MYO5C: variants seen among roughly 807,000 people sequenced by gnomAD.
The protein encoded by MYO5C is unconventional myosin-Vc.
Under a neutral mutation model 235.7 loss-of-function variants are expected in MYO5C, and 194 were observed. That is an observed-to-expected ratio of 0.82 (90% confidence interval 0.73 to 0.93). The LOEUF is 0.93. Ranked by LOEUF, MYO5C falls within the 40% of genes least tolerant of loss-of-function variation. The pLI is 0.00. For missense variants in MYO5C, 2,038 were observed against 2,127.2 expected, an observed-to-expected ratio of 0.96 and a Z score of 0.82; for synonymous variants, 707 against 754.8, an observed-to-expected ratio of 0.94 and a Z score of 1.04.
At chr15:52,219,915 A>G (rs1323891573) in intron 30 of MYO5C, 93 bp from the exon 31 acceptor site, 1 of 882,508 alleles carries the variant, frequency 1.1e-6, no homozygotes, top group Non-Finnish European at 1.8e-6. Flanking sequence ...TAGAGGTCCT[A>G]AACTAGGGGT....
At chr15:52,221,505 C>A (rs980242146) in intron 29 of MYO5C, among the ~76,000 whole-genome samples, 5 of 152,076 alleles carry the variant, frequency 3.3e-5, no homozygotes, top group African/African-American at 1.2e-4. Context: ...AGGATGTGTA[C>A]ATGTATAGAA....
intron 38 of MYO5C, among the ~76,000 whole-genome samples, chr15:52,199,184 A>G (rs1326835556): frequency 1.3e-4 from 20 of 151,950 alleles, no homozygotes; most frequent in Admixed American, 7.9e-4. Flanking sequence ...GTGAGCCACC[A>G]CGCCCGGCCC....
chr15:52,238,172 A>G (rs1304019350), intron 21 of MYO5C, among the ~76,000 whole-genome samples: 1 of 151,928 alleles, frequency 6.6e-6, no homozygotes, highest in Non-Finnish European at 1.5e-5. Context: ...GAAGAAACCA[A>G]CCCTGCCAAA....
rs536096530 is a variant in MYO5C, at chr15:52,239,000, G to A, written c.2703+733C>T. On this transcript the variant is annotated intron_variant, in intron 21 of 40. Coordinates refer to ENST00000261839, the MANE Select transcript of MYO5C (RefSeq NM_018728.4). Reference sequence around the variant, plus strand: ...GAGTTTTGCTCTTGTTGCCCAGGCTGGAGTGCAGTGGCGCCATCTTGGCCT... The same window carrying A: ...GAGTTTTGCTCTTGTTGCCCAGGCTAGAGTGCAGTGGCGCCATCTTGGCCT... 1.4e-4 allele frequency among the ~76,000 whole-genome samples: 21 copies of A among 151,760 alleles called. No individual in the cohort carries two copies. In the South Asian group the frequency reaches 3.7e-3, roughly 27 times the overall value.
Position 52,247,171 on chromosome 15 carries a change from G to A in MYO5C, c.1882-157C>T, listed in dbSNP as rs559461310. ...TGAAAGGTTTCAGTCCGTGACTGTG[G>A]TTTATCAGCATGTCCTACTGTTGTG... On this transcript the variant is annotated intron_variant, in intron 15 of 40. Transcript: ENST00000261839. Among the ~76,000 whole-genome samples the A allele has an allele frequency of 1.1e-3, 166 of 152,352 alleles. 4 individuals carry two copies. The South Asian group carries it at 0.033, about 30-fold the overall frequency.
At chr15:52,204,165 C>T (rs890378501) in intron 38 of MYO5C, among the ~76,000 whole-genome samples, 1 of 152,096 alleles carries the variant, frequency 6.6e-6, no homozygotes, top group African/African-American at 2.4e-5. Context: ...TCAGGATGAA[C>T]TCCAAATGCC....
Position 52,295,724 on chromosome 15 carries a change from A to T in MYO5C, c.-88T>A. 1.1e-6 allele frequency: 1 copy of T among 938,122 alleles called. No individual in the cohort carries two copies. The highest frequency in any genetic ancestry group is 1.4e-6 in the Non-Finnish European group (1 of 691,586). 58.1% of individuals were successfully genotyped at this position (938,122 alleles called of 1,614,324 possible). On this transcript the variant is annotated 5_prime_UTR_variant, in exon 1 of 41. Coordinates refer to ENST00000261839, the MANE Select transcript of MYO5C (RefSeq NM_018728.4). The stretch of plus-strand genomic sequence containing the variant: ...GCGCCGCAGAGGCCGGGCGCAGGAG[A>T]GACCGCCGCGGAAATCACCGCCGGG...
At position 52,270,198 on chromosome 15, in the gene MYO5C, C is replaced by G. The variant is rs1172027762; in HGVS notation, c.833-338G>C. ...TCAGGAGGCTGACGTGGGAGGATCA[C>G]TTGAGCCCAGGAGTTCGAGGCTGCA... is the stretch of plus-strand genomic sequence containing the variant. On this transcript the variant is annotated intron_variant, in intron 7 of 40. Coordinates refer to ENST00000261839, the MANE Select transcript of MYO5C (RefSeq NM_018728.4). Among the ~76,000 whole-genome samples, 6 of 152,212 alleles carry G rather than the reference C, an allele frequency of 3.9e-5. 1 individual carries two copies. The highest frequency in any genetic ancestry group is 5.9e-5 in the Non-Finnish European group (4 of 68,040).
At chr15:52,264,430 A>G (rs1311424343) in intron 8 of MYO5C, 134 bp from the exon 9 acceptor site, 5 of 680,326 alleles carry the variant, frequency 7.3e-6, no homozygotes, top group Non-Finnish European at 1.3e-5. Context: ...AGTGGACCCC[A>G]GGGGCATCTG....
chr15:52,219,264 G>A (rs757341308), intron 31 of MYO5C, among the ~76,000 whole-genome samples: 1 of 152,180 alleles, frequency 6.6e-6, no homozygotes, highest in African/African-American at 2.4e-5. Flanking sequence ...GCTCTGCCAG[G>A]GCACGAGGCC....
chr15:52,217,528 A>G (rs1447848114), intron 32 of MYO5C, among the ~76,000 whole-genome samples: 1 of 152,230 alleles, frequency 6.6e-6, no homozygotes, highest in Non-Finnish European at 1.5e-5. Flanking sequence ...AGCCTCACAC[A>G]TGGACAACAG....
At chr15:52,224,004 C>T (rs1226556540) in intron 28 of MYO5C, among the ~76,000 whole-genome samples, 5 of 152,154 alleles carry the variant, frequency 3.3e-5, no homozygotes, top group African/African-American at 1.2e-4. Context: ...AAATACTGGC[C>T]AGACGCAGTG....
intron 9 of MYO5C, among the ~76,000 whole-genome samples, chr15:52,263,698 G>A (rs1954081368): frequency 6.6e-6 from 1 of 152,030 alleles, no homozygotes; most frequent in African/African-American, 2.4e-5. Context: ...TCCCCTGCAG[G>A]CTGCCACCCA....
At chr15:52,286,083 C>A (rs1260135793) in intron 1 of MYO5C, among the ~76,000 whole-genome samples, 1 of 152,038 alleles carries the variant, frequency 6.6e-6, no homozygotes, top group Admixed American at 6.5e-5. Context: ...TGCCCGGCCG[C>A]CCCGTCTGAG....
In MYO5C at chr15:52,195,340, G is replaced by A. The variant is rs185471695; in HGVS notation, c.5076+37C>T. 18 of 1,350,402 alleles carry A rather than the reference G, an allele frequency of 1.3e-5. No homozygotes were observed. In the African/African-American group the frequency reaches 2.3e-4, roughly 17 times the overall value. 83.7% of individuals were successfully genotyped at this position (1,350,402 alleles called of 1,614,324 possible). A position where few individuals can be genotyped will look rare whatever the true frequency, so the allele number is the denominator to read the frequency against. On this transcript the variant is annotated intron_variant, in intron 40 of 40. Coordinates refer to ENST00000261839, the MANE Select transcript of MYO5C (RefSeq NM_018728.4). The stretch of plus-strand genomic sequence containing the variant: ...TATCAACATCTTATACCATAGTTAG[G>A]AAGTAAAATTAAAAGGCACATCCTT...
intron 7 of MYO5C, among the ~76,000 whole-genome samples, chr15:52,271,097 G>A (rs1596217050): frequency 6.6e-6 from 1 of 152,158 alleles, no homozygotes; most frequent in Non-Finnish European, 1.5e-5. Context: ...TATGATACAG[G>A]TGGTTTGTTT....
chr15:52,284,837 TTC>T (rs77046159), intron 1 of MYO5C, among the ~76,000 whole-genome samples: 5 of 103,454 alleles, frequency 4.8e-5, no homozygotes, highest in Non-Finnish European at 1.1e-4. Flanking sequence ...TTTTCTTTCT[TTC>T]TTTTTTTTTT....
At chr15:52,213,359 C>G (rs1276917465) in intron 33 of MYO5C, 73 bp from the exon 34 acceptor site, 3 of 1,065,542 alleles carry the variant, frequency 2.8e-6, no homozygotes, top group South Asian at 1.3e-5. Context: ...TGACTACTCT[C>G]CTACCCCATT....
At chr15:52,274,740 T>C (rs1357968259) in intron 5 of MYO5C, among the ~76,000 whole-genome samples, 2 of 149,056 alleles carry the variant, frequency 1.3e-5, no homozygotes, top group African/African-American at 4.9e-5. Context: ...AATCTTACAC[T>C]TGGAGATTGG....
Sources: gnomAD v4.1 joint callset for allele counts (sites outside exome capture counted in the v4.1 genomes callset) on GRCh38, gnomAD v4.1.1 for gene constraint, MANE v1.5 for transcripts, NCBI Gene and HGNC (gene_info 2026-07-23, HGNC 2026-07-21) for gene names.